Variants in DENND5A observed in about 807,000 individuals in gnomAD.
DENND5A encodes DENN domain containing 5A.
In DENND5A, 64 loss-of-function variants were observed where a neutral mutation model predicts 140.3. That is an observed-to-expected ratio of 0.46 (90% CI 0.37 to 0.56). The LOEUF (loss-of-function observed/expected upper bound fraction) is 0.56, where lower values mean the gene tolerates loss of function less well. Among genes scored for constraint, DENND5A ranks in the 20% least tolerant of loss-of-function variants. DENND5A has a pLI of 0.00. For synonymous variants in DENND5A, 605 were observed against 607.7 expected (o/e 1.00, Z 0.07); for missense variants, 1,292 against 1,593.8 (o/e 0.81, Z 3.22).
intron 5 of DENND5A, among the ~76,000 whole-genome samples, chr11:9,189,031 C>T (rs1849017909): frequency 6.6e-6 from 1 of 152,166 alleles, no homozygotes; most frequent in Non-Finnish European, 1.5e-5. Flanking sequence ...GCCTGGGGGC[C>T]TAGGAGGAAA....
chr11:9,194,723 G>T (rs1041135012), intron 4 of DENND5A, among the ~76,000 whole-genome samples: 3 of 151,646 alleles, frequency 2.0e-5, no homozygotes, highest in African/African-American at 7.3e-5. Flanking sequence ...TAATTTCTAG[G>T]CCTTTTTTTT....
chr11:9,201,552 TC>T (rs886474767), intron 4 of DENND5A, among the ~76,000 whole-genome samples: 1 of 151,710 alleles, frequency 6.6e-6, no homozygotes, highest in African/African-American at 2.4e-5. Flanking sequence ...TGCCTGTAGT[TC>T]CAGCTACACG....
chr11:9,257,225 G>A (rs1851985052), intron 1 of DENND5A, among the ~76,000 whole-genome samples: 2 of 151,868 alleles, frequency 1.3e-5, no homozygotes, highest in African/African-American at 4.8e-5. Context: ...GGCCAGGCTG[G>A]TCTCAAGTGA....
Position 9,203,727 on chromosome 11 carries a change from C to A in DENND5A, c.882G>T (p.Gly294=), listed in dbSNP as rs903363142. 23 of 1,614,128 alleles carry A rather than the reference C, an allele frequency of 1.4e-5. No individual in the cohort carries two copies. Among genetic ancestry groups the A allele is most frequent in the Middle Eastern group, 1.6e-4 (1 of 6,062 alleles). The part of the protein sequence containing the change: ...FPVKEVFELL[G]VENVFQLFTC... ...TAAAAAGCTGAAACACATTCTCCAC[C>A]CCGAGCAGTTCAAAAACCTCTTTGA... The change falls in exon 4 of 23, where the codon GGG becomes GGT. Residue 294 remains glycine, a synonymous_variant. Coordinates refer to ENST00000328194, the MANE Select transcript of DENND5A (RefSeq NM_015213.4).
At chr11:9,215,420 G>A (rs989729564) in intron 1 of DENND5A, among the ~76,000 whole-genome samples, 3 of 152,106 alleles carry the variant, frequency 2.0e-5, no homozygotes, top group Non-Finnish European at 4.4e-5. Context: ...TAGCCCAGCC[G>A]AATGCCCTGC....
chr11:9,210,097 A>G (rs1849824677), intron 1 of DENND5A, among the ~76,000 whole-genome samples: 1 of 151,658 alleles, frequency 6.6e-6, no homozygotes, highest in African/African-American at 2.4e-5. Flanking sequence ...ACACAGCAAG[A>G]CTCCATCTCA....
At chr11:9,264,937 G>T (rs899885808) in intron 1 of DENND5A, 24 bp downstream of exon 1, 8 of 1,527,566 alleles carry the variant, frequency 5.2e-6, no homozygotes, top group African/African-American at 2.8e-5. Context: ...GCGGGAAAGC[G>T]CCCCGGGCTC....
chr11:9,142,162 C>T (rs750756083), intron 21 of DENND5A, 54 bp from the exon 22 acceptor site: 20 of 1,479,542 alleles, frequency 1.4e-5, no homozygotes, highest in Middle Eastern at 3.6e-4. Flanking sequence ...CCAACCCTGA[C>T]GGTCCTACAG....
intron 10 of DENND5A, among the ~76,000 whole-genome samples, chr11:9,167,551 G>C (rs1564892342): frequency 6.6e-6 from 1 of 151,652 alleles, no homozygotes; most frequent in African/African-American, 2.4e-5. Context: ...ACTGAGGCGA[G>C]TGGATCACTT....
chr11:9,239,620 C>T (rs1851150746), intron 1 of DENND5A, among the ~76,000 whole-genome samples: 1 of 152,168 alleles, frequency 6.6e-6, no homozygotes, highest in South Asian at 2.1e-4. Flanking sequence ...GCATGCACCA[C>T]TACACTCAGC....
rs202070142 is a variant in DENND5A, at chr11:9,144,217, C to T, written c.3184G>A (p.Val1062Ile). The T allele has an allele frequency of 6.2e-7, 1 of 1,614,174 alleles. No individual in the cohort carries two copies. The highest frequency in any genetic ancestry group is 2.2e-5 in the East Asian group (1 of 44,874). Reference protein sequence around the residue: ...MDDGSLERILVGELLTSQPEV... With the variant: ...MDDGSLERILIGELLTSQPEV... The stretch of plus-strand genomic sequence containing the variant: ...GGCTGGGATGTGAGCAGCTCCCCAA[C>T]TAGGATCCGCTCCAGGCTTCCATCA... Residue 1062 changes from valine (V) to isoleucine (I), a missense_variant, in exon 19 of 23, where the codon GTT becomes ATT. Coordinates refer to ENST00000328194, the MANE Select transcript of DENND5A (RefSeq NM_015213.4).
At chr11:9,193,991 G>T (rs2136196294) in intron 4 of DENND5A, among the ~76,000 whole-genome samples, 1 of 152,322 alleles carries the variant, frequency 6.6e-6, no homozygotes, top group African/African-American at 2.4e-5. Flanking sequence ...ATGTTAAGTA[G>T]ATCCTCTTAA....
chr11:9,246,621 A>AG (rs1057307230), intron 1 of DENND5A, among the ~76,000 whole-genome samples: 7 of 151,676 alleles, frequency 4.6e-5, no homozygotes, highest in African/African-American at 1.7e-4. Flanking sequence ...CAAAAAAAAA[A>AG]AAAAAAAAAA....
chr11:9,152,317 G>T, intron 13 of DENND5A, 41 bp downstream of exon 13: 1 of 1,408,888 alleles, frequency 7.1e-7, no homozygotes, highest in Non-Finnish European at 1.0e-6. Flanking sequence ...TGATGGAAAA[G>T]TGGAGAGAGG....
chr11:9,229,045 T>C (rs1023946285), intron 1 of DENND5A, among the ~76,000 whole-genome samples: 3 of 152,186 alleles, frequency 2.0e-5, no homozygotes, highest in African/African-American at 7.2e-5. Flanking sequence ...TTTACTGGCA[T>C]CTGAAGTGGG....
intron 5 of DENND5A, among the ~76,000 whole-genome samples, chr11:9,191,953 C>T (rs187928268): frequency 4.1e-4 from 62 of 152,252 alleles, no homozygotes; most frequent in Non-Finnish European, 3.2e-4. Flanking sequence ...ATGTATGGTA[C>T]AGTAAGCAAG....
At chr11:9,228,167 G>A (rs1426275817) in intron 1 of DENND5A, among the ~76,000 whole-genome samples, 1 of 150,204 alleles carries the variant, frequency 6.7e-6, no homozygotes, top group Non-Finnish European at 1.5e-5. Flanking sequence ...TTACTGGCAT[G>A]CAGCTCCTAA....
At chr11:9,224,523 C>T (rs1370802638) in intron 1 of DENND5A, among the ~76,000 whole-genome samples, 3 of 152,156 alleles carry the variant, frequency 2.0e-5, no homozygotes, top group Non-Finnish European at 4.4e-5. Flanking sequence ...TTATACCCTT[C>T]TTCACCTGAT....
chr11:9,169,800 G>A (rs764899009), intron 10 of DENND5A, 56 bp downstream of exon 10: 1 of 1,059,736 alleles, frequency 9.4e-7, no homozygotes, highest in Admixed American at 1.7e-5. Flanking sequence ...ATGAGAAAGA[G>A]AAGGAGTGCA....
Sources: allele counts gnomAD v4.1 joint callset (sites outside exome capture counted in the v4.1 genomes callset), GRCh38; gene constraint gnomAD v4.1.1; transcripts MANE v1.5; gene names NCBI Gene and HGNC (gene_info 2026-07-23, HGNC 2026-07-21).